Variants in LPAR6 observed in about 807,000 individuals in gnomAD.
LPAR6 encodes G-protein coupled purinergic receptor P2Y5.
In LPAR6, 17 loss-of-function variants were observed where a neutral mutation model predicts 22.0. The observed-to-expected ratio is 0.77, with a 90% CI of 0.53 to 1.16. The LOEUF (loss-of-function observed/expected upper bound fraction) is 1.16, where lower values mean the gene tolerates loss of function less well. Ranked by LOEUF, LPAR6 falls within the 50% of genes most tolerant of loss-of-function variation. The pLI, the probability that LPAR6 is intolerant of heterozygous loss-of-function variation, is 0.00. For missense variants in LPAR6, 384 were observed against 406.9 expected (o/e 0.94, Z 0.48); for synonymous variants, 136 against 139.8 (o/e 0.97, Z 0.19).
Position 48,438,707 on chromosome 13 carries a change from G to A in LPAR6, c.-1474+5846C>T, listed in dbSNP as rs146196947. On this transcript the variant is annotated intron_variant, in intron 1 of 6. Transcript: ENST00000378434. Reference sequence around the variant, plus strand: ...TCTACCTTTCTTCACTTATAAAATGGCATTTAAAAAATAATTACCTTCTTT... The same window carrying A: ...TCTACCTTTCTTCACTTATAAAATGACATTTAAAAAATAATTACCTTCTTT... Among the ~76,000 whole-genome samples the A allele has an allele frequency of 5.6e-3, 845 of 152,038 alleles. 5 individuals are homozygous for A. The highest frequency in any genetic ancestry group is 0.01 in the Middle Eastern group (3 of 294).
intron 1 of LPAR6, among the ~76,000 whole-genome samples, chr13:48,399,191 C>T (rs774864621): frequency 6.6e-6 from 1 of 151,890 alleles, no homozygotes; most frequent in African/African-American, 2.4e-5. Context: ...AGATTGTTTT[C>T]GTAGACTGAA....
chr13:48,403,594 G>T, intron 1 of LPAR6, among the ~76,000 whole-genome samples: 1 of 152,140 alleles, frequency 6.6e-6, no homozygotes, highest in East Asian at 1.9e-4. Flanking sequence ...CAATAATCAG[G>T]AAGGTTTTCT....
At chr13:48,406,360 A>G (rs1948739644), downstream of LPAR6, among the ~76,000 whole-genome samples, 1 of 152,180 alleles carries the variant, frequency 6.6e-6, no homozygotes, top group Non-Finnish European at 1.5e-5. Flanking sequence ...CTTCTCATCT[A>G]TTATCACCAT....
In LPAR6 at chr13:48,419,751, T is replaced by C. The variant is rs192969271; in HGVS notation, c.-953-2431A>G. ...AATACAAACTACCATCAGAGAATACTGTAAACATCTCTATGCAAATAATCT... is the reference window on the plus strand; with the variant it reads ...AATACAAACTACCATCAGAGAATACCGTAAACATCTCTATGCAAATAATCT... On this transcript the variant is annotated intron_variant, in intron 2 of 4. Coordinates refer to the LPAR6 transcript ENST00000345941. 3.9e-5 allele frequency among the ~76,000 whole-genome samples: 6 copies of C among 152,316 alleles called. No individual in the cohort carries two copies. The East Asian group carries it at 1.2e-3, about 29-fold the overall frequency.
upstream of LPAR6, chr13:48,415,856 A>T (rs553617334): frequency 2.0e-5 from 3 of 152,316 alleles, no homozygotes; most frequent in South Asian, 6.2e-4. Context: ...TTTTTTCCAG[A>T]TATTAAATTT....
chr13:48,393,433 C>T (rs915223876), intron 1 of LPAR6, among the ~76,000 whole-genome samples: 11 of 152,184 alleles, frequency 7.2e-5, no homozygotes, highest in African/African-American at 2.7e-4. Context: ...TAATGAGGCT[C>T]ACCATTTGTT....
chr13:48,436,719 G>A (rs1268036466), intron 1 of LPAR6, among the ~76,000 whole-genome samples: 1 of 152,018 alleles, frequency 6.6e-6, no homozygotes, highest in Non-Finnish European at 1.5e-5. Flanking sequence ...TAGTATTAAA[G>A]GACCAGCAAG....
At chr13:48,439,079 G>T (rs1949211175) in intron 1 of LPAR6, among the ~76,000 whole-genome samples, 1 of 152,166 alleles carries the variant, frequency 6.6e-6, no homozygotes, top group African/African-American at 2.4e-5. Flanking sequence ...GAAAGAGGCA[G>T]TAAGCAAAGG....
chr13:48,405,925 C>G (rs1165940238), intron 1 of LPAR6, among the ~76,000 whole-genome samples: 1 of 152,108 alleles, frequency 6.6e-6, no homozygotes. Context: ...TCATTTAACA[C>G]TACCTTCTTG....
At chr13:48,420,887 G>A (rs1948995128) in intron 2 of LPAR6, among the ~76,000 whole-genome samples, 2 of 152,106 alleles carry the variant, frequency 1.3e-5, no homozygotes, top group South Asian at 4.1e-4. Context: ...AAATAAAGAG[G>A]ACACAAACAA....
chr13:48,423,708 G>C (rs1949041188), intron 1 of LPAR6, among the ~76,000 whole-genome samples: 1 of 152,142 alleles, frequency 6.6e-6, no homozygotes, highest in African/African-American at 2.4e-5. Flanking sequence ...TCAAATGAGA[G>C]AGTATGTGAG....
At chr13:48,437,888 T>C (rs1949200075) in intron 1 of LPAR6, among the ~76,000 whole-genome samples, 1 of 152,182 alleles carries the variant, frequency 6.6e-6, no homozygotes, top group African/African-American at 2.4e-5. Context: ...ATTGGGGTGA[T>C]CTTGGAGGCT....
At chr13:48,395,306 A>G (rs1948639239) in intron 1 of LPAR6, among the ~76,000 whole-genome samples, 1 of 152,186 alleles carries the variant, frequency 6.6e-6, no homozygotes, top group Non-Finnish European at 1.5e-5. Context: ...CAGCACAAAA[A>G]GGCTGAAAAT....
chr13:48,434,342 A>C (rs1325060310), intron 1 of LPAR6, among the ~76,000 whole-genome samples: 1 of 152,148 alleles, frequency 6.6e-6, no homozygotes, highest in Non-Finnish European at 1.5e-5. Context: ...TTCAGTCTTG[A>C]TAATAAAAAC....
In LPAR6 at chr13:48,412,694, G is replaced by A. The variant is rs1006524960; in HGVS notation, c.-271C>T. 27 of 491,578 alleles carry A rather than the reference G, an allele frequency of 5.5e-5. 1 individual carries two copies. Among genetic ancestry groups the A allele is most frequent in the East Asian group, 8.0e-5 (2 of 24,886 alleles). The allele number at this position is 491,578 out of a possible 1,614,324, so 30.5% of individuals were successfully genotyped here. On this transcript the variant is annotated 5_prime_UTR_variant, in exon 1 of 1. Coordinates refer to ENST00000620633, the MANE Select transcript of LPAR6 (RefSeq NM_001162498.3). The stretch of plus-strand genomic sequence containing the variant: ...GAATTCCAAGGCTCAGTTAACTGAC[G>A]AGCAACCTTTAAAAAATACAGTCAA...
intron 1 of LPAR6, among the ~76,000 whole-genome samples, chr13:48,405,497 A>G (rs1308663067): frequency 2.6e-5 from 4 of 152,168 alleles, no homozygotes; most frequent in Non-Finnish European, 4.4e-5. Flanking sequence ...ACTGCATATA[A>G]CAGGAGATGG....
chr13:48,397,367 C>T (rs918490121), intron 1 of LPAR6, among the ~76,000 whole-genome samples: 1 of 152,068 alleles, frequency 6.6e-6, no homozygotes, highest in Non-Finnish European at 1.5e-5. Flanking sequence ...AGCTGGAAAC[C>T]ATCATTCTCA....
At chr13:48,423,649 G>A (rs1419393458) in intron 1 of LPAR6, among the ~76,000 whole-genome samples, 1 of 152,062 alleles carries the variant, frequency 6.6e-6, no homozygotes, top group Non-Finnish European at 1.5e-5. Context: ...AATTGAAATT[G>A]TACATAACAT....
chr13:48,426,283 A>C (rs189795456), intron 1 of LPAR6, among the ~76,000 whole-genome samples: 1 of 152,354 alleles, frequency 6.6e-6, no homozygotes, highest in Admixed American at 6.5e-5. Flanking sequence ...AATAAAGGTT[A>C]TGTTGTGGGA....
Sources: allele counts gnomAD v4.1 joint callset (sites outside exome capture counted in the v4.1 genomes callset), GRCh38; gene constraint gnomAD v4.1.1; transcripts MANE v1.5; gene names NCBI Gene and HGNC (gene_info 2026-07-23, HGNC 2026-07-21).